PSD3: variants seen among roughly 807,000 people sequenced by gnomAD.
PSD3 encodes the protein pleckstrin and Sec7 domain containing 3, also known as PH and SEC7 domain-containing protein 3.
Under a neutral mutation model 105.5 loss-of-function variants are expected in PSD3, and 49 were observed. The ratio of observed to expected loss-of-function variants is 0.46; its 90% CI spans 0.37 to 0.59. The LOEUF (loss-of-function observed/expected upper bound fraction) is 0.59. Ranked by LOEUF, PSD3 falls within the 20% of genes least tolerant of loss-of-function variation. The probability of loss-of-function intolerance (pLI) is 0.00; values close to 1 mark genes in which losing one functional copy is unlikely to be tolerated. For synonymous variants in PSD3, 557 were observed against 457.8 expected (o/e 1.22, Z -2.77); for missense variants, 1,561 against 1,263.8 (o/e 1.24, Z -3.57).
intron 1 of PSD3, chr8:18,979,684 G>C (rs565372792): frequency 2.4e-3 from 430 of 175,562 alleles, no homozygotes; most frequent in Non-Finnish European, 4.5e-3. Flanking sequence ...AGTGTAGACA[G>C]GGTGTTACGC....
intron 1 of PSD3, among the ~76,000 whole-genome samples, chr8:19,054,607 A>G (rs1200459026): frequency 6.6e-6 from 1 of 152,194 alleles, no homozygotes; most frequent in African/African-American, 2.4e-5. Flanking sequence ...AAATGCAGTA[A>G]AGAATCTACC....
intron 2 of PSD3, among the ~76,000 whole-genome samples, chr8:18,925,021 T>C (rs1821274274): frequency 6.6e-6 from 1 of 152,126 alleles, no homozygotes; most frequent in Non-Finnish European, 1.5e-5. Context: ...ATGATGACTA[T>C]GAAGAAAGTG....
At chr8:18,720,404 G>A (rs1802886653) in intron 9 of PSD3, among the ~76,000 whole-genome samples, 1 of 151,964 alleles carries the variant, frequency 6.6e-6, no homozygotes, top group East Asian at 1.9e-4. Context: ...CTAGGAAAAG[G>A]GTATAATTTT....
intron 1 of PSD3, among the ~76,000 whole-genome samples, chr8:19,039,495 C>T (rs923139343): frequency 1.3e-5 from 2 of 152,172 alleles, no homozygotes; most frequent in South Asian, 4.1e-4. Flanking sequence ...GGAAAGAACA[C>T]CAGCCAGGGA....
At chr8:18,925,097 A>C (rs749723794) in intron 2 of PSD3, among the ~76,000 whole-genome samples, 25 of 152,348 alleles carry the variant, frequency 1.6e-4, no homozygotes, top group Middle Eastern at 3.4e-3. Context: ...GCTTGTATAC[A>C]GATTATAGAA....
Position 18,531,113 on chromosome 8 carries a change from T to C in PSD3, c.*4630A>G, listed in dbSNP as rs555715272. 1.3e-5 allele frequency: 2 copies of C among 152,648 alleles called. No homozygotes were observed. The highest frequency in any genetic ancestry group is 2.4e-5 in the African/African-American group (1 of 41,580). The allele number at this position is 152,648 out of a possible 1,614,324, so 9.5% of individuals were successfully genotyped here. Reference sequence around the variant, plus strand: ...ACAGCATTTTCTTTGATGACTGACATACTGCCTGTAAGAATAGTCTCCAAA... The same window carrying C: ...ACAGCATTTTCTTTGATGACTGACACACTGCCTGTAAGAATAGTCTCCAAA... On this transcript the variant is annotated 3_prime_UTR_variant, in exon 16 of 16. Transcript: ENST00000327040.
In PSD3 at chr8:18,872,191, T is replaced by C. The variant is rs1390344157; in HGVS notation, c.673A>G (p.Thr225Ala). 6.2e-7 allele frequency: 1 copy of C among 1,614,218 alleles called. No homozygotes were observed. Among genetic ancestry groups the C allele is most frequent in the Non-Finnish European group, 8.5e-7 (1 of 1,180,036 alleles). ...ATTATCTGGGAAATCTCTGCCTGAG[T>C]GTCTCCAGTTAACAGCGCGGTGAGA... ...KDLTALLTGD[T>A]QAEISQIMNN... The change falls in exon 3 of 16, where the codon ACT becomes GCT. Residue 225 changes from threonine to alanine, a missense_variant. Coordinates refer to ENST00000327040, the MANE Select transcript of PSD3 (RefSeq NM_015310.4).
intron 11 of PSD3, among the ~76,000 whole-genome samples, chr8:18,630,700 A>C (rs1365441814): frequency 6.6e-6 from 1 of 151,736 alleles, no homozygotes; most frequent in Non-Finnish European, 1.5e-5. Flanking sequence ...GGTATGTCAG[A>C]TACAGTCAAC....
At chr8:18,964,238 C>T (rs1824107501) in intron 1 of PSD3, among the ~76,000 whole-genome samples, 2 of 152,134 alleles carry the variant, frequency 1.3e-5, no homozygotes, top group Non-Finnish European at 2.9e-5. Flanking sequence ...GACCTCCCAC[C>T]TCAGCCATCC....
At chr8:18,651,349 G>C (rs1363839130) in intron 10 of PSD3, among the ~76,000 whole-genome samples, 1 of 152,162 alleles carries the variant, frequency 6.6e-6, no homozygotes, top group African/African-American at 2.4e-5. Context: ...TTTCCTCTAA[G>C]GTTCTAACAT....
chr8:18,697,508 T>C (rs992959513), intron 9 of PSD3, among the ~76,000 whole-genome samples: 3 of 152,240 alleles, frequency 2.0e-5, no homozygotes, highest in African/African-American at 4.8e-5. Context: ...CTGAGGTCCA[T>C]GATTCACTAA....
At chr8:19,017,841 C>T (rs1457337892), upstream of PSD3, among the ~76,000 whole-genome samples, 1 of 152,118 alleles carries the variant, frequency 6.6e-6, no homozygotes, top group African/African-American at 2.4e-5. Context: ...TACTTTTTGG[C>T]TGTTAGGAAT....
At chr8:18,876,025 C>G (rs763126165) in intron 2 of PSD3, among the ~76,000 whole-genome samples, 1 of 152,178 alleles carries the variant, frequency 6.6e-6, no homozygotes, top group Non-Finnish European at 1.5e-5. Flanking sequence ...CTTCTTTCAC[C>G]TGGCACAAGG....
chr8:18,880,379 C>G, intron 2 of PSD3, among the ~76,000 whole-genome samples: 1 of 152,082 alleles, frequency 6.6e-6, no homozygotes. Context: ...ATTTCCAGAA[C>G]ATGAAAAGTC....
chr8:18,721,142 C>T (rs1438704753), intron 9 of PSD3: 2 of 152,052 alleles, frequency 1.3e-5, no homozygotes, highest in Non-Finnish European at 2.9e-5. Flanking sequence ...ATGTCATCGC[C>T]ATCTGTCCCA....
chr8:18,785,260 C>T (rs1436600859), intron 8 of PSD3, among the ~76,000 whole-genome samples: 1 of 152,114 alleles, frequency 6.6e-6, no homozygotes, highest in East Asian at 1.9e-4. Flanking sequence ...AATGTTCTTC[C>T]TTGTTTCTAG....
intron 1 of PSD3, among the ~76,000 whole-genome samples, chr8:19,068,061 A>C (rs1829134496): frequency 6.6e-6 from 1 of 152,108 alleles, no homozygotes; most frequent in Admixed American, 6.5e-5. Flanking sequence ...TTCACAGCTC[A>C]GGTCTGTGTG....
At chr8:18,691,764 A>G (rs1800985555) in intron 9 of PSD3, among the ~76,000 whole-genome samples, 1 of 152,224 alleles carries the variant, frequency 6.6e-6, no homozygotes, top group Non-Finnish European at 1.5e-5. Context: ...CATGCCAATC[A>G]TTGAATCTAG....
chr8:18,788,874 T>A (rs976343360), intron 8 of PSD3, among the ~76,000 whole-genome samples: 2 of 152,218 alleles, frequency 1.3e-5, no homozygotes, highest in Admixed American at 6.5e-5. Context: ...CAAATAAGTT[T>A]GATTATGTCA....
Sources: gnomAD v4.1 joint callset for allele counts (sites outside exome capture counted in the v4.1 genomes callset) on GRCh38, gnomAD v4.1.1 for gene constraint, MANE v1.5 for transcripts, NCBI Gene and HGNC (gene_info 2026-07-23, HGNC 2026-07-21) for gene names.